EIF2AK4: variants seen among roughly 807,000 people sequenced by gnomAD.
EIF2AK4 encodes the protein eukaryotic translation initiation factor 2 alpha kinase 4, also known as eIF-2-alpha kinase GCN2.
A neutral mutation model predicts 211.1 loss-of-function variants in EIF2AK4; 139 were observed. The ratio of observed to expected loss-of-function variants is 0.66; its 90% CI spans 0.57 to 0.76. The LOEUF is 0.76. Among genes scored for constraint, EIF2AK4 ranks in the 30% least tolerant of loss-of-function variants. The pLI is 0.00. For missense variants in EIF2AK4, 1,664 were observed against 2,043.8 expected, an observed-to-expected ratio of 0.81 and a Z score of 3.58; for synonymous variants, 710 against 751.3, an observed-to-expected ratio of 0.94 and a Z score of 0.90.
chr15:39,957,951 C>T (rs544699385), intron 6 of EIF2AK4, among the ~76,000 whole-genome samples: 9 of 152,304 alleles, frequency 5.9e-5, no homozygotes, highest in Admixed American at 3.3e-4. Flanking sequence ...GTGGAAAGAA[C>T]GTAAAGGCCT....
intron 9 of EIF2AK4, among the ~76,000 whole-genome samples, chr15:39,968,182 G>C (rs1431195379): frequency 1.3e-5 from 2 of 152,310 alleles, no homozygotes; most frequent in Admixed American, 6.5e-5. Flanking sequence ...AAATGCCCTA[G>C]GTATTCCAAA....
chr15:40,032,736 T>C (rs369312440), intron 36 of EIF2AK4, 21 bp from the exon 37 acceptor site: 1 of 1,611,296 alleles, frequency 6.2e-7, no homozygotes, highest in African/African-American at 1.3e-5. Flanking sequence ...AGAGTTGATG[T>C]ACATTTGTGT....
At chr15:39,960,430 A>T (rs575088710) in intron 6 of EIF2AK4, among the ~76,000 whole-genome samples, 24 of 152,148 alleles carry the variant, frequency 1.6e-4, no homozygotes, top group Non-Finnish European at 2.8e-4. Context: ...AAGGAGACTC[A>T]CAGGTTTCTC....
chr15:40,014,123 C>T (rs112003577), intron 27 of EIF2AK4, among the ~76,000 whole-genome samples: 2,966 of 152,362 alleles, frequency 0.019, 83 homozygotes, highest in African/African-American at 0.068. Flanking sequence ...TCTCCTTTGA[C>T]TCCATGTCTC....
intron 11 of EIF2AK4, chr15:39,974,982 A>T (rs1443655526): frequency 6.6e-6 from 1 of 152,226 alleles, no homozygotes; most frequent in Non-Finnish European, 1.5e-5. Flanking sequence ...CCCAGTTCGT[A>T]TATGATGTGT....
chr15:39,962,025 G>C, intron 7 of EIF2AK4, 126 bp downstream of exon 7: 1 of 629,234 alleles, frequency 1.6e-6, no homozygotes, highest in Non-Finnish European at 2.7e-6. Flanking sequence ...CAAGCTGGTA[G>C]TCATTCTGGC....
At chr15:39,952,873 A>C (rs565362109) in intron 4 of EIF2AK4, among the ~76,000 whole-genome samples, 207 of 152,170 alleles carry the variant, frequency 1.4e-3, no homozygotes, top group Middle Eastern at 6.8e-3. Flanking sequence ...CTTGAGACAG[A>C]GTCTTGCTCT....
chr15:39,943,058 C>G (rs2034169623), intron 2 of EIF2AK4, among the ~76,000 whole-genome samples: 1 of 150,990 alleles, frequency 6.6e-6, no homozygotes, highest in African/African-American at 2.4e-5. Flanking sequence ...GTGAAGAACT[C>G]AGAGTTAGGG....
At chr15:39,985,692 TA>T in intron 13 of EIF2AK4, 112 bp from the exon 14 acceptor site, 1 of 855,204 alleles carries the variant, frequency 1.2e-6, no homozygotes, top group Non-Finnish European at 1.9e-6. Flanking sequence ...GACTTCTCCC[TA>T]AGGCAACTGG....
intron 7 of EIF2AK4, among the ~76,000 whole-genome samples, chr15:39,964,383 G>A (rs550607406): frequency 3.3e-4 from 50 of 152,148 alleles, no homozygotes; most frequent in Non-Finnish European, 3.2e-4. Context: ...ACTATATATC[G>A]GGGTTATCAG....
chr15:40,033,510 G>A (rs1567012416), intron 37 of EIF2AK4, among the ~76,000 whole-genome samples: 1 of 152,148 alleles, frequency 6.6e-6, no homozygotes, highest in Non-Finnish European at 1.5e-5. Flanking sequence ...AGCTACAGGT[G>A]ACTTTTGCAA....
intron 9 of EIF2AK4, among the ~76,000 whole-genome samples, chr15:39,972,674 C>A (rs2034641305): frequency 6.6e-6 from 1 of 152,118 alleles, no homozygotes; most frequent in African/African-American, 2.4e-5. Flanking sequence ...GTCTTCTCAT[C>A]TAGAGATGCC....
intron 8 of EIF2AK4, among the ~76,000 whole-genome samples, chr15:39,966,250 A>G (rs1321395843): frequency 6.6e-6 from 1 of 152,162 alleles, no homozygotes; most frequent in Non-Finnish European, 1.5e-5. Flanking sequence ...TAGGAGGACT[A>G]CTTGAGCCCA....
intron 3 of EIF2AK4, among the ~76,000 whole-genome samples, chr15:39,945,636 G>A (rs949647171): frequency 2.0e-5 from 3 of 152,236 alleles, no homozygotes; most frequent in Non-Finnish European, 4.4e-5. Flanking sequence ...CAGATTTTCA[G>A]TGTAGATGAA....
chr15:39,978,885 T>C (rs2034739109), intron 13 of EIF2AK4, among the ~76,000 whole-genome samples: 1 of 152,202 alleles, frequency 6.6e-6, no homozygotes, highest in East Asian at 1.9e-4. Context: ...ACATACATCA[T>C]GTGAAAGCAA....
At chr15:39,964,570 A>G (rs966304058) in intron 7 of EIF2AK4, among the ~76,000 whole-genome samples, 1 of 152,178 alleles carries the variant, frequency 6.6e-6, no homozygotes, top group Non-Finnish European at 1.5e-5. Context: ...CCAAAATGTC[A>G]TAGTGTCAAG....
At chr15:39,949,037 T>C in intron 3 of EIF2AK4, 79 bp from the exon 4 acceptor site, 1 of 1,551,826 alleles carries the variant, frequency 6.4e-7, no homozygotes, top group Non-Finnish European at 8.8e-7. Context: ...GCCAGTTTGC[T>C]TTCCTGTTCT....
intron 11 of EIF2AK4, chr15:39,974,390 A>G (rs1263413999): frequency 1.3e-5 from 2 of 152,250 alleles, no homozygotes; most frequent in East Asian, 3.8e-4. Context: ...GTCCATATAC[A>G]GTACATGTCA....
intron 33 of EIF2AK4, 99 bp from the exon 34 acceptor site, chr15:40,029,307 A>G (rs2035507037): frequency 1.4e-6 from 2 of 1,421,710 alleles, no homozygotes; most frequent in South Asian, 3.3e-5. Flanking sequence ...TTTATATTTA[A>G]TGGAAAAGTG....
Sources: gnomAD v4.1 joint callset for allele counts (sites outside exome capture counted in the v4.1 genomes callset) on GRCh38, gnomAD v4.1.1 for gene constraint, MANE v1.5 for transcripts, NCBI Gene and HGNC (gene_info 2026-07-23, HGNC 2026-07-21) for gene names.